Variants in WWOX observed in about 807,000 individuals in gnomAD.
WWOX encodes WW domain containing oxidoreductase, also known as WW domain-containing oxidoreductase.
WWOX carries 69 observed loss-of-function variants against 46.2 expected under a neutral mutation model. That is an observed-to-expected ratio of 1.49 (90% CI 1.23 to 1.82). The LOEUF is 1.82. WWOX is among the 40% of genes most tolerant of loss of function. The pLI is 0.00. For missense variants in WWOX, 919 were observed against 542.6 expected (o/e 1.69, Z -6.89); for synonymous variants, 359 against 202.6 (o/e 1.77, Z -6.56).
chr16:78,496,721 A>G (rs1169734420), intron 8 of WWOX, among the ~76,000 whole-genome samples: 1 of 152,242 alleles, frequency 6.6e-6, no homozygotes. Flanking sequence ...CACTATGTAA[A>G]ACCAAACAAA....
At chr16:78,809,446 T>C (rs566732124) in intron 8 of WWOX, among the ~76,000 whole-genome samples, 1 of 152,272 alleles carries the variant, frequency 6.6e-6, no homozygotes, top group South Asian at 2.1e-4. Context: ...ATGAAATCAC[T>C]TCTTAATTTT....
At chr16:78,846,792 C>T (rs2052310142) in intron 8 of WWOX, among the ~76,000 whole-genome samples, 1 of 152,094 alleles carries the variant, frequency 6.6e-6, no homozygotes, top group Non-Finnish European at 1.5e-5. Flanking sequence ...GGGATCTTGC[C>T]TGCAATGATT....
At chr16:78,422,663 G>GTATGTATA (rs1555536293) in intron 6 of WWOX, among the ~76,000 whole-genome samples, 609 of 24,404 alleles carry the variant, frequency 0.025, 33 homozygotes, top group African/African-American at 0.058. Context: ...TTTTTTACAT[G>GTATGTATA]TATATATATA....
At chr16:78,489,613 C>A (rs1029197063) in intron 8 of WWOX, among the ~76,000 whole-genome samples, 24 of 152,240 alleles carry the variant, frequency 1.6e-4, no homozygotes, top group Admixed American at 1.2e-3. Flanking sequence ...ATTTCCAGAA[C>A]CTTCTAACTC....
intron 3 of WWOX, among the ~76,000 whole-genome samples, chr16:78,114,069 C>G (rs550534092): frequency 7.1e-6 from 1 of 141,062 alleles, no homozygotes; most frequent in Non-Finnish European, 1.5e-5. Context: ...ATAAGGAGTA[C>G]TCTTTTCATC....
chr16:79,132,451 G>C (rs543571799), intron 8 of WWOX, among the ~76,000 whole-genome samples: 1 of 152,086 alleles, frequency 6.6e-6, no homozygotes, highest in African/African-American at 2.4e-5. Flanking sequence ...ATAGTGTTTC[G>C]TGATTAAAAT....
chr16:78,289,508 A>T (rs1307910760), intron 5 of WWOX, among the ~76,000 whole-genome samples: 1 of 152,094 alleles, frequency 6.6e-6, no homozygotes, highest in Non-Finnish European at 1.5e-5. Context: ...GGTCTGAGAA[A>T]CCCTGTAACT....
intron 5 of WWOX, among the ~76,000 whole-genome samples, chr16:78,330,684 C>T (rs1041794423): frequency 6.6e-6 from 1 of 152,190 alleles, no homozygotes; most frequent in Non-Finnish European, 1.5e-5. Context: ...CGTGAACCAC[C>T]GTGCCCGGCA....
intron 8 of WWOX, among the ~76,000 whole-genome samples, chr16:78,962,190 C>T (rs1276793593): frequency 6.6e-6 from 1 of 151,976 alleles, no homozygotes; most frequent in African/African-American, 2.4e-5. Flanking sequence ...TGAGGACAGC[C>T]ACCCTGTGGA....
At chr16:78,984,032 C>T (rs1201698580) in intron 8 of WWOX, among the ~76,000 whole-genome samples, 4 of 151,422 alleles carry the variant, frequency 2.6e-5, no homozygotes, top group African/African-American at 9.8e-5. Flanking sequence ...CGCCTGCCAC[C>T]ATGCCCGGCT....
intron 8 of WWOX, among the ~76,000 whole-genome samples, chr16:78,836,040 A>C (rs1192721258): frequency 6.6e-6 from 1 of 152,220 alleles, no homozygotes; most frequent in African/African-American, 2.4e-5. Flanking sequence ...ACATAGTGAC[A>C]TGAAAATTGT....
intron 8 of WWOX, among the ~76,000 whole-genome samples, chr16:79,171,505 A>G (rs374312440): frequency 5.3e-5 from 8 of 152,254 alleles, no homozygotes; most frequent in Admixed American, 3.3e-4. Context: ...GAATTTAAAC[A>G]TTCCTTTTTT....
chr16:78,133,835 G>A (rs1392280332), intron 4 of WWOX, among the ~76,000 whole-genome samples: 4 of 152,228 alleles, frequency 2.6e-5, no homozygotes, highest in African/African-American at 9.6e-5. Context: ...AAAAGCAAGG[G>A]AGATACCTGC....
chr16:78,918,967 C>G (rs560249552), intron 8 of WWOX, among the ~76,000 whole-genome samples: 1 of 152,136 alleles, frequency 6.6e-6, no homozygotes, highest in African/African-American at 2.4e-5. Context: ...TGATTGGACC[C>G]AGGGCAGAAA....
At chr16:79,037,979 G>T (rs1363586416) in intron 8 of WWOX, among the ~76,000 whole-genome samples, 1 of 151,962 alleles carries the variant, frequency 6.6e-6, no homozygotes, top group Non-Finnish European at 1.5e-5. Context: ...TACATAACCA[G>T]AAAAAGCTCG....
rs138582642 is a variant in WWOX, at chr16:79,059,206, C to G, written c.1057-152402C>G. 1.6e-4 allele frequency among the ~76,000 whole-genome samples: 24 copies of G among 152,246 alleles called. No homozygotes were observed. In the East Asian group the frequency reaches 4.4e-3, roughly 28 times the overall value. On this transcript the variant is annotated intron_variant, in intron 8 of 8. Coordinates refer to ENST00000566780, the MANE Select transcript of WWOX (RefSeq NM_016373.4). ...AAGAAATGGATTTCATCCTAAAACT[C>G]CATGAATATGCTATTACAGTTTGTT...
At chr16:78,730,694 A>G (rs2048949160) in intron 8 of WWOX, among the ~76,000 whole-genome samples, 1 of 149,242 alleles carries the variant, frequency 6.7e-6, no homozygotes, top group Admixed American at 6.8e-5. Context: ...TCCTGGGCTC[A>G]AGCGATACTC....
intron 8 of WWOX, among the ~76,000 whole-genome samples, chr16:78,966,965 A>G (rs2046373411): frequency 6.6e-6 from 1 of 152,200 alleles, no homozygotes; most frequent in African/African-American, 2.4e-5. Context: ...GTAAATACTG[A>G]GTTATTTCTT....
At chr16:78,689,802 C>G (rs976399514) in intron 8 of WWOX, among the ~76,000 whole-genome samples, 14 of 152,136 alleles carry the variant, frequency 9.2e-5, no homozygotes, top group Admixed American at 7.9e-4. Flanking sequence ...TTGAAATAAT[C>G]CTGCATAAAG....
Sources: allele counts gnomAD v4.1 joint callset (sites outside exome capture counted in the v4.1 genomes callset), GRCh38; gene constraint gnomAD v4.1.1; transcripts MANE v1.5; gene names NCBI Gene and HGNC (gene_info 2026-07-23, HGNC 2026-07-21).